NFIC: variants seen among roughly 807,000 people sequenced by gnomAD.
NFIC encodes nuclear factor 1 C-type.
NFIC carries 12 observed loss-of-function variants against 54.4 expected under a neutral mutation model. The observed-to-expected ratio is 0.22, with a 90% CI of 0.14 to 0.36. The LOEUF (loss-of-function observed/expected upper bound fraction) is 0.36, where lower values mean the gene tolerates loss of function less well. NFIC is among the 10% of genes least tolerant of loss of function. The pLI is 1.00. For synonymous variants in NFIC, 322 were observed against 319.2 expected, an observed-to-expected ratio of 1.01 and a Z score of -0.09; for missense variants, 575 against 718.2, an observed-to-expected ratio of 0.80 and a Z score of 2.28.
intron 2 of NFIC, among the ~76,000 whole-genome samples, chr19:3,413,888 C>T (rs1043248200): frequency 6.6e-6 from 1 of 152,108 alleles, no homozygotes; most frequent in Admixed American, 6.6e-5. Flanking sequence ...CCTCCCACCT[C>T]AGCCTCCCAA....
chr19:3,423,058 C>A (rs144776941), intron 2 of NFIC, among the ~76,000 whole-genome samples: 1 of 151,896 alleles, frequency 6.6e-6, no homozygotes, highest in Non-Finnish European at 1.5e-5. Flanking sequence ...ATTAGCCAGG[C>A]GTGATGACGC....
intron 1 of NFIC, among the ~76,000 whole-genome samples, 173 bp from the exon 2 acceptor site, chr19:3,381,539 C>T (rs1400299341): frequency 6.6e-6 from 1 of 152,146 alleles, no homozygotes; most frequent in Non-Finnish European, 1.5e-5. Flanking sequence ...GGGCCTTTTG[C>T]GTGCCTCCGG....
chr19:3,433,189 T>G (rs1446593855), intron 3 of NFIC, among the ~76,000 whole-genome samples: 1 of 150,560 alleles, frequency 6.6e-6, no homozygotes, highest in Non-Finnish European at 1.5e-5. Context: ...GGTCTTGAAG[T>G]CCTGAGCTCA....
intron 6 of NFIC, among the ~76,000 whole-genome samples, chr19:3,440,551 C>G (rs2082278315): frequency 6.6e-6 from 1 of 152,046 alleles, no homozygotes; most frequent in Non-Finnish European, 1.5e-5. Flanking sequence ...GTGCCTCAGC[C>G]TCCCGAATAG....
In NFIC at chr19:3,375,976, G is replaced by A. The variant is rs1282932122; in HGVS notation, c.31-5736G>A. 4.6e-5 allele frequency among the ~76,000 whole-genome samples: 7 copies of A among 152,178 alleles called. No individual in the cohort carries two copies. In the East Asian group the frequency reaches 1.2e-3, roughly 25 times the overall value. On this transcript the variant is annotated intron_variant, in intron 1 of 10. Transcript: ENST00000443272. This position sits in a 1 kb window ranked among gnomAD's most constrained non-coding sequence, Gnocchi z 4.6. ...TGAGAAAGGGACCCGTGGCCTTCCA[G>A]GGGGTCAGGGCCCTGATTCTTATCC...
intron 4 of NFIC, 45 bp downstream of exon 4, chr19:3,433,637 G>T (rs1463975337): frequency 6.3e-7 from 1 of 1,595,476 alleles, no homozygotes; most frequent in Admixed American, 1.7e-5. Flanking sequence ...GAGAGGGGAG[G>T]GGGCCGCAGG....
chr19:3,440,136 G>C (rs998349809), intron 6 of NFIC, among the ~76,000 whole-genome samples: 2 of 152,150 alleles, frequency 1.3e-5, no homozygotes, highest in Non-Finnish European at 2.9e-5. Flanking sequence ...GGAAGATGAT[G>C]GGAGGGCATT....
intron 6 of NFIC, among the ~76,000 whole-genome samples, chr19:3,447,791 G>A (rs543825916): frequency 6.6e-6 from 1 of 152,374 alleles, no homozygotes; most frequent in East Asian, 1.9e-4. Context: ...TGGACCACCT[G>A]CTTCCCCCAC....
At chr19:3,366,536 G>GA, upstream of NFIC, 2 of 400,968 alleles carry the variant, frequency 5.0e-6, no homozygotes, top group South Asian at 7.2e-5. Context: ...CCGCGGGGCG[G>GA]GGGGGGGGGT....
chr19:3,456,391 T>C (rs1482302838), intron 9 of NFIC, among the ~76,000 whole-genome samples, 159 bp from the exon 10 acceptor site: 1 of 152,030 alleles, frequency 6.6e-6, no homozygotes, highest in African/African-American at 2.4e-5. Flanking sequence ...GGGGGCCCGG[T>C]TCAACTGGGG....
At chr19:3,426,741 C>T (rs2082033400) in intron 3 of NFIC, among the ~76,000 whole-genome samples, 1 of 152,126 alleles carries the variant, frequency 6.6e-6, no homozygotes, top group African/African-American at 2.4e-5. Context: ...CTCGCCGTTC[C>T]TCCAGTGCAC....
At chr19:3,389,924 C>A (rs905356273) in intron 2 of NFIC, among the ~76,000 whole-genome samples, 1 of 152,204 alleles carries the variant, frequency 6.6e-6, no homozygotes, top group Admixed American at 6.5e-5. Context: ...AAGGAGGTTG[C>A]GGTGAACCGA....
At chr19:3,394,124 C>T (rs1325747955) in intron 2 of NFIC, among the ~76,000 whole-genome samples, 1 of 151,770 alleles carries the variant, frequency 6.6e-6, no homozygotes, top group African/African-American at 2.4e-5. Flanking sequence ...TTTAACATTA[C>T]TTTATTTAAC....
At chr19:3,396,719 GC>G (rs1322274867) in intron 2 of NFIC, among the ~76,000 whole-genome samples, 1 of 152,230 alleles carries the variant, frequency 6.6e-6, no homozygotes, top group Non-Finnish European at 1.5e-5. Flanking sequence ...ACTTGCAGAG[GC>G]CAAGGTGGGT....
intron 2 of NFIC, among the ~76,000 whole-genome samples, chr19:3,404,516 G>A (rs528736550): frequency 6.6e-6 from 1 of 152,194 alleles, no homozygotes; most frequent in East Asian, 1.9e-4. Flanking sequence ...CTCAGAGGCT[G>A]CAGAGGGGCT....
chr19:3,434,091 C>G (rs759091972), intron 4 of NFIC, among the ~76,000 whole-genome samples, 186 bp from the exon 5 acceptor site: 5 of 152,186 alleles, frequency 3.3e-5, no homozygotes, highest in Admixed American at 6.5e-5. Flanking sequence ...TGCTCTTGGC[C>G]TCTCCCCATG....
At chr19:3,406,271 T>A in intron 2 of NFIC, among the ~76,000 whole-genome samples, 1 of 151,980 alleles carries the variant, frequency 6.6e-6, no homozygotes, top group East Asian at 1.9e-4. Context: ...TTTTTGTGTT[T>A]TTAGTAGAGA....
chr19:3,401,416 G>C (rs35794794), intron 2 of NFIC, among the ~76,000 whole-genome samples: 42,226 of 152,052 alleles, frequency 0.28, 5,998 homozygotes, highest in East Asian at 0.41. Context: ...GGAGGGGGCA[G>C]AATCCAGGTC....
chr19:3,409,679 C>T (rs894540080), intron 2 of NFIC, among the ~76,000 whole-genome samples: 4 of 152,216 alleles, frequency 2.6e-5, no homozygotes, highest in African/African-American at 7.2e-5. Flanking sequence ...CCAGAGCCCA[C>T]GGCGATGCCT....
Sources: allele counts gnomAD v4.1 joint callset (sites outside exome capture counted in the v4.1 genomes callset), GRCh38; gene constraint gnomAD v4.1.1; non-coding constraint Gnocchi (gnomAD v3.1); transcripts MANE v1.5; gene names NCBI Gene and HGNC (gene_info 2026-07-23, HGNC 2026-07-21).